ABHD17C: variants seen among roughly 807,000 people sequenced by gnomAD.
ABHD17C encodes the protein alpha/beta hydrolase domain-containing protein 17C.
A neutral mutation model predicts 27.9 loss-of-function variants in ABHD17C; 11 were observed. The ratio of observed to expected loss-of-function variants is 0.39; its 90% CI spans 0.25 to 0.65. The LOEUF is 0.65. Ranked by LOEUF, ABHD17C falls within the 30% of genes least tolerant of loss-of-function variation. ABHD17C has a pLI of 0.45. For synonymous variants in ABHD17C, 233 were observed against 209.1 expected (o/e 1.11, Z -0.98); for missense variants, 280 against 470.2 (o/e 0.60, Z 3.74).
intron 1 of ABHD17C, among the ~76,000 whole-genome samples, chr15:80,741,033 G>C (rs781082070): frequency 2.0e-5 from 3 of 152,150 alleles, no homozygotes; most frequent in Non-Finnish European, 2.9e-5. Context: ...TGCCCACATA[G>C]CTTGTACCCT....
chr15:80,696,611 T>C (rs988068092), intron 1 of ABHD17C, among the ~76,000 whole-genome samples: 1 of 152,152 alleles, frequency 6.6e-6, no homozygotes, highest in Admixed American at 6.6e-5. Context: ...GGCAGGAAGT[T>C]AGCTGGTAGC....
At chr15:80,701,405 G>A (rs997353837) in intron 1 of ABHD17C, among the ~76,000 whole-genome samples, 5 of 152,166 alleles carry the variant, frequency 3.3e-5, no homozygotes, top group East Asian at 1.9e-4. Flanking sequence ...TATGTCGGCC[G>A]CGGTGGCTCA....
chr15:80,753,824 A>G (rs1362811330), intron 2 of ABHD17C, among the ~76,000 whole-genome samples: 1 of 152,246 alleles, frequency 6.6e-6, no homozygotes, highest in Non-Finnish European at 1.5e-5. Context: ...AGCAAGAAAA[A>G]GCCAAACTGT....
chr15:80,754,055 G>A (rs372643494), intron 2 of ABHD17C, 96 bp from the exon 3 acceptor site: 1 of 991,794 alleles, frequency 1.0e-6, no homozygotes, highest in African/African-American at 1.6e-5. Flanking sequence ...TTCCCTGCCT[G>A]TGGAGATTAT....
intron 1 of ABHD17C, among the ~76,000 whole-genome samples, chr15:80,748,062 A>G (rs908793925): frequency 3.3e-5 from 5 of 152,054 alleles, no homozygotes; most frequent in African/African-American, 9.7e-5. Flanking sequence ...CCTCACCTCC[A>G]TGTGTTTAAT....
At chr15:80,748,920 T>C (rs1895328430) in intron 1 of ABHD17C, among the ~76,000 whole-genome samples, 2 of 151,936 alleles carry the variant, frequency 1.3e-5, no homozygotes, top group Admixed American at 1.3e-4. Flanking sequence ...CACAGCCCTT[T>C]ACTTAACTAA....
chr15:80,740,228 G>A (rs1326956108), intron 1 of ABHD17C, among the ~76,000 whole-genome samples: 4 of 152,052 alleles, frequency 2.6e-5, no homozygotes, highest in African/African-American at 9.7e-5. Flanking sequence ...GACACTGCCT[G>A]TTGCTACCAT....
chr15:80,709,254 C>T (rs1019210324), intron 1 of ABHD17C, among the ~76,000 whole-genome samples: 12 of 151,814 alleles, frequency 7.9e-5, no homozygotes, highest in East Asian at 1.9e-4. Flanking sequence ...TTTGGGAGGC[C>T]GAGGCGGACA....
chr15:80,753,390 A>G (rs1403370050), intron 2 of ABHD17C, among the ~76,000 whole-genome samples: 1 of 152,204 alleles, frequency 6.6e-6, no homozygotes, highest in East Asian at 1.9e-4. Flanking sequence ...AGTGAAATCC[A>G]AATAAAGTCT....
In ABHD17C at chr15:80,695,750, C is replaced by G. The variant is rs1331213742; in HGVS notation, c.321C>G (p.Val107=). 1.3e-6 allele frequency: 2 copies of G among 1,536,248 alleles called. No individual in the cohort carries two copies. Among genetic ancestry groups the G allele is most frequent in the Non-Finnish European group, 1.7e-6 (2 of 1,147,394 alleles). Reference sequence around the variant, plus strand: ...ACTCGCAGCGCGAGCTGGACGCCGTCGAGGTCTTCTTCTCGCGCACGGCCC... The same window carrying G: ...ACTCGCAGCGCGAGCTGGACGCCGTGGAGGTCTTCTTCTCGCGCACGGCCC... ...WQYSQRELDA[V]EVFFSRTARD... The change falls in exon 1 of 3, where the codon GTC becomes GTG. Residue 107 remains valine, a synonymous_variant. Coordinates refer to ENST00000258884, the MANE Select transcript of ABHD17C (RefSeq NM_021214.2). This position sits in a 1 kb window ranked among gnomAD's most constrained non-coding sequence, Gnocchi z 4.3.
At chr15:80,710,563 G>C (rs1433428789) in intron 1 of ABHD17C, among the ~76,000 whole-genome samples, 1 of 152,164 alleles carries the variant, frequency 6.6e-6, no homozygotes, top group Non-Finnish European at 1.5e-5. Context: ...GGGCCAGAGT[G>C]TTAGCAACAG....
intron 1 of ABHD17C, among the ~76,000 whole-genome samples, chr15:80,710,082 C>T (rs574720830): frequency 6.6e-6 from 1 of 152,222 alleles, no homozygotes; most frequent in African/African-American, 2.4e-5. Context: ...GGGTTGGCTG[C>T]AACTTTTAAA....
intron 1 of ABHD17C, among the ~76,000 whole-genome samples, chr15:80,703,912 C>T (rs1192410034): frequency 2.0e-5 from 3 of 152,124 alleles, no homozygotes; most frequent in African/African-American, 7.2e-5. Context: ...TACCTATCTA[C>T]AATAAAGTTT....
intron 1 of ABHD17C, among the ~76,000 whole-genome samples, chr15:80,724,537 T>C (rs546616840): frequency 6.9e-6 from 1 of 145,826 alleles, no homozygotes; most frequent in Non-Finnish European, 1.5e-5. Flanking sequence ...GAATGATGTA[T>C]AAAATATTAA....
chr15:80,713,354 C>CTTT lies in ABHD17C; in HGVS notation c.590+17361_590+17363dup, dbSNP rs67320992. On this transcript the variant is annotated intron_variant, in intron 1 of 2. Transcript: ENST00000258884. ...GAAGGAAAGCCACTGAGGTCTTGTT[C>CTTT]TTTTTTTTTTTTTTTTTTTTTTTTT... Among the ~76,000 whole-genome samples the CTTT allele has an allele frequency of 1.9e-3, 82 of 43,844 alleles. 12 individuals carry two copies. Among genetic ancestry groups the CTTT allele is most frequent in the African/African-American group, 6.9e-3 (69 of 10,048 alleles). The allele number at this position is 43,844 out of a possible 152,430, so 28.8% of individuals were successfully genotyped here.
rs535976802 is a variant in ABHD17C at position 80,754,577 on chromosome 15, C to T, written c.*207C>T. 44 of 539,174 alleles carry T rather than the reference C, an allele frequency of 8.2e-5. No individual in the cohort carries two copies. Among genetic ancestry groups the T allele is most frequent in the Admixed American group, 1.3e-4 (4 of 30,082 alleles). 33.4% of individuals were successfully genotyped at this position (539,174 alleles called of 1,614,324 possible). On this transcript the variant is annotated 3_prime_UTR_variant, in exon 3 of 3. Coordinates refer to ENST00000258884, the MANE Select transcript of ABHD17C (RefSeq NM_021214.2). ...CACACAACACGTTAAACTGAACAGT[C>T]GTGATTCCCAGCTTCATTACCTTGC...
chr15:80,729,523 A>G (rs1895027909), intron 1 of ABHD17C, among the ~76,000 whole-genome samples: 1 of 152,218 alleles, frequency 6.6e-6, no homozygotes, highest in Non-Finnish European at 1.5e-5. Flanking sequence ...ACTGTATAGA[A>G]GATTATATAT....
chr15:80,743,758 T>C (rs1452415294), intron 1 of ABHD17C, among the ~76,000 whole-genome samples: 1 of 152,106 alleles, frequency 6.6e-6, no homozygotes, highest in Non-Finnish European at 1.5e-5. Context: ...ACTAATTTTT[T>C]GTATTTTTAG....
At chr15:80,725,411 T>C (rs1894958850) in intron 1 of ABHD17C, among the ~76,000 whole-genome samples, 1 of 152,250 alleles carries the variant, frequency 6.6e-6, no homozygotes, top group African/African-American at 2.4e-5. Flanking sequence ...TTTTACATTC[T>C]GGTTTAGTAG....
Sources: allele counts gnomAD v4.1 joint callset (sites outside exome capture counted in the v4.1 genomes callset), GRCh38; gene constraint gnomAD v4.1.1; non-coding constraint Gnocchi (gnomAD v3.1); transcripts MANE v1.5; gene names NCBI Gene and HGNC (gene_info 2026-07-23, HGNC 2026-07-21).